The following MTCL2 variants were observed in gnomAD, a reference collection of about 807,000 sequenced individuals.
The protein encoded by MTCL2 is microtubule cross-linking factor 2.
At chr20:36,858,613 A>T in the MTCL2 span, among the ~76,000 whole-genome samples, 7 of 152,056 alleles carry the variant, frequency 4.6e-5, no homozygotes, top group Admixed American at 1.3e-4. Context: ...ACCCTCCTGC[A>T]TTCTCCCAGT....
the MTCL2 span, among the ~76,000 whole-genome samples, chr20:36,840,331 AT>A: frequency 8.5e-4 from 121 of 141,862 alleles, no homozygotes; most frequent in East Asian, 8.4e-4. Context: ...CGCCTGGCTA[AT>A]TTTTTTTTTT....
At chr20:36,843,126 TGGGA>T in the MTCL2 span, among the ~76,000 whole-genome samples, 3 of 152,140 alleles carry the variant, frequency 2.0e-5, no homozygotes, top group South Asian at 2.1e-4. Flanking sequence ...TCGCTGGGGC[TGGGA>T]GGAAGGGGGA....
chr20:36,831,711 T>C, the MTCL2 span, among the ~76,000 whole-genome samples: 2 of 152,164 alleles, frequency 1.3e-5, no homozygotes, highest in African/African-American at 4.8e-5. Flanking sequence ...CCACAGCCTC[T>C]CTGGGTACCA....
chr20:36,812,788 G>A, the MTCL2 span: 10 of 1,613,688 alleles, frequency 6.2e-6, no homozygotes, highest in East Asian at 2.0e-4. Flanking sequence ...AGTCACCAGT[G>A]CGGAAAGCCT....
chr20:36,812,639 G>T, the MTCL2 span: 3 of 1,586,006 alleles, frequency 1.9e-6, no homozygotes, highest in Non-Finnish European at 2.6e-6. Flanking sequence ...GGACCACTCT[G>T]CTTTTGACAG....
the MTCL2 span, among the ~76,000 whole-genome samples, chr20:36,831,101 T>C: frequency 6.6e-6 from 1 of 152,094 alleles, no homozygotes; most frequent in Non-Finnish European, 1.5e-5. Context: ...TGCTGGCTGG[T>C]TGAGGGAAGC....
the MTCL2 span, chr20:36,794,783 T>C: frequency 1.4e-5 from 10 of 731,654 alleles, no homozygotes; most frequent in East Asian, 2.8e-5. This position sits in a 1 kb window ranked among gnomAD's most constrained non-coding sequence, Gnocchi z 5.4. Flanking sequence ...TTTTTTTTTT[T>C]CTCCCAAACA....
chr20:36,856,070 C>T, the MTCL2 span, among the ~76,000 whole-genome samples: 6 of 152,178 alleles, frequency 3.9e-5, no homozygotes, highest in African/African-American at 7.2e-5. Context: ...GCCAGCCCAA[C>T]GCCCCTTCCC....
chr20:36,784,947 C>G, the MTCL2 span: 6 of 985,438 alleles, frequency 6.1e-6, no homozygotes, highest in Non-Finnish European at 7.2e-6. Context: ...GGGATCTCCA[C>G]ACTCTTAATA....
At chr20:36,837,631 G>A in the MTCL2 span, among the ~76,000 whole-genome samples, 4 of 151,546 alleles carry the variant, frequency 2.6e-5, no homozygotes, top group African/African-American at 9.7e-5. Flanking sequence ...TGGCTGGAGT[G>A]CAGTGGCGCG....
the MTCL2 span, among the ~76,000 whole-genome samples, chr20:36,816,781 C>T: frequency 4.6e-5 from 7 of 152,126 alleles, no homozygotes; most frequent in Non-Finnish European, 8.8e-5. Context: ...CAAAATGACT[C>T]GCTCCAATCA....
the MTCL2 span, among the ~76,000 whole-genome samples, chr20:36,853,291 C>T: frequency 6.6e-6 from 1 of 152,284 alleles, no homozygotes; most frequent in East Asian, 1.9e-4. Context: ...CCAGGGAGTG[C>T]ACATTCTCTC....
At chr20:36,797,630 T>C in the MTCL2 span, 1 of 1,496,088 alleles carries the variant, frequency 6.7e-7, no homozygotes, top group Non-Finnish European at 9.1e-7. Flanking sequence ...TGCAGGACCC[T>C]GCTCTAAGCA....
At chr20:36,862,698 C>G in the MTCL2 span, 1 of 1,500,042 alleles carries the variant, frequency 6.7e-7, no homozygotes, top group Non-Finnish European at 8.9e-7. Flanking sequence ...CTCCAGCTCC[C>G]GCACCAAGCC....
At chr20:36,780,710 T>C in the MTCL2 span, 9 of 152,218 alleles carry the variant, frequency 5.9e-5, no homozygotes, top group African/African-American at 2.2e-4. Context: ...TGGGACATTA[T>C]CCTCACTTTA....
At chr20:36,815,330 G>A in the MTCL2 span, 1 of 1,613,878 alleles carries the variant, frequency 6.2e-7, no homozygotes, top group Non-Finnish European at 8.5e-7. The surrounding 1 kb of genome is among the most constrained non-coding windows in gnomAD (Gnocchi z 5.3). Context: ...TGGTGTCCCT[G>A]GGGCCCTCGC....
At chr20:36,802,986 TC>T in the MTCL2 span, 1 of 1,594,064 alleles carries the variant, frequency 6.3e-7, no homozygotes, top group Non-Finnish European at 8.5e-7. Context: ...CCGAGTCAGC[TC>T]CATGACAGCG....
the MTCL2 span, among the ~76,000 whole-genome samples, chr20:36,796,293 G>T: frequency 3.2e-4 from 48 of 152,278 alleles, 1 homozygote; most frequent in Middle Eastern, 6.8e-3. Flanking sequence ...CAAGGTCAAG[G>T]TCATAGAGCT....
At chr20:36,796,773 G>A in the MTCL2 span, 1 of 1,052,302 alleles carries the variant, frequency 9.5e-7, no homozygotes, top group South Asian at 1.3e-5. Flanking sequence ...GGCGGGGCAG[G>A]GCTGCGGTGA....
Sources: allele counts gnomAD v4.1 joint callset (sites outside exome capture counted in the v4.1 genomes callset), GRCh38; gene constraint gnomAD v4.1.1; non-coding constraint Gnocchi (gnomAD v3.1); transcripts MANE v1.5; gene names NCBI Gene and HGNC (gene_info 2026-07-23, HGNC 2026-07-21).